Variants in OPCML observed in about 807,000 individuals in gnomAD.
OPCML encodes the protein opioid binding protein/cell adhesion molecule like.
A neutral mutation model predicts 37.8 loss-of-function variants in OPCML; 13 were observed. That is an observed-to-expected ratio of 0.34 (90% CI 0.22 to 0.55). The LOEUF (loss-of-function observed/expected upper bound fraction) is 0.55. Among genes scored for constraint, OPCML ranks in the 20% least tolerant of loss-of-function variants. OPCML has a pLI of 0.91. For synonymous variants in OPCML, 176 were observed against 168.8 expected (o/e 1.04, Z -0.33); for missense variants, 341 against 435.6 (o/e 0.78, Z 1.93).
chr11:132,742,419 C>A (rs1945461489), intron 2 of OPCML, among the ~76,000 whole-genome samples: 1 of 152,150 alleles, frequency 6.6e-6, no homozygotes, highest in Non-Finnish European at 1.5e-5. Context: ...CTCAATCATG[C>A]AAGCACATAG....
intron 3 of OPCML, among the ~76,000 whole-genome samples, chr11:132,574,855 T>C (rs902210967): frequency 2.6e-5 from 4 of 152,038 alleles, no homozygotes; most frequent in East Asian, 3.9e-4. Context: ...AAGTGGAGAA[T>C]TGAAATCTCT....
intron 2 of OPCML, among the ~76,000 whole-genome samples, chr11:132,852,754 A>G (rs1158811303): frequency 6.6e-6 from 1 of 152,198 alleles, no homozygotes; most frequent in Admixed American, 6.5e-5. Flanking sequence ...AAAATATTCC[A>G]TACAACCAAA....
intron 1 of OPCML, among the ~76,000 whole-genome samples, chr11:132,997,112 C>T (rs1450531243): frequency 1.3e-5 from 2 of 152,190 alleles, no homozygotes; most frequent in Non-Finnish European, 2.9e-5. Context: ...CTGTCTGTCA[C>T]AGTTAGTCTT....
intron 2 of OPCML, among the ~76,000 whole-genome samples, chr11:132,723,429 C>T (rs1307119892): frequency 2.6e-5 from 4 of 152,152 alleles, no homozygotes; most frequent in Admixed American, 2.0e-4. Flanking sequence ...GTCGGTTAAT[C>T]ACTCCTTCTG....
chr11:133,152,160 G>A (rs1164747057), intron 1 of OPCML, among the ~76,000 whole-genome samples: 1 of 151,954 alleles, frequency 6.6e-6, no homozygotes, highest in East Asian at 1.9e-4. Flanking sequence ...AATCCAAACC[G>A]CTGAACAAAA....
chr11:133,232,562 T>G (rs1940325940), intron 1 of OPCML, among the ~76,000 whole-genome samples: 1 of 151,514 alleles, frequency 6.6e-6, no homozygotes, highest in South Asian at 2.1e-4. Flanking sequence ...GTGAATCTCA[T>G]GTGAAATTAA....
intron 3 of OPCML, among the ~76,000 whole-genome samples, chr11:132,544,760 A>AAGGAG (rs902372911): frequency 1.1e-4 from 16 of 152,156 alleles, no homozygotes; most frequent in African/African-American, 3.9e-4. Context: ...AGGGTCAGTG[A>AAGGAG]AGGAGGACAA....
At chr11:133,105,776 T>C (rs1458047574) in intron 1 of OPCML, among the ~76,000 whole-genome samples, 2 of 151,928 alleles carry the variant, frequency 1.3e-5, no homozygotes, top group African/African-American at 4.8e-5. Flanking sequence ...AGTTCAGGAG[T>C]TTGAGAAAAG....
chr11:132,440,837 A>T (rs1467584679), intron 4 of OPCML, among the ~76,000 whole-genome samples: 2 of 152,156 alleles, frequency 1.3e-5, no homozygotes, highest in Non-Finnish European at 2.9e-5. Flanking sequence ...AGCAGAATGA[A>T]TCTAGGTTGC....
chr11:132,635,622 TGACA>T (rs773919187), intron 3 of OPCML, among the ~76,000 whole-genome samples: 6 of 151,688 alleles, frequency 4.0e-5, no homozygotes, highest in Non-Finnish European at 7.4e-5. Flanking sequence ...AAACTCTAGC[TGACA>T]GACATACTTA....
intron 1 of OPCML, among the ~76,000 whole-genome samples, chr11:133,188,223 TG>T (rs1938168699): frequency 6.6e-6 from 1 of 152,250 alleles, no homozygotes; most frequent in Non-Finnish European, 1.5e-5. Flanking sequence ...ATTGAGTTCC[TG>T]AGTGCTGTCA....
intron 1 of OPCML, among the ~76,000 whole-genome samples, chr11:133,231,088 G>A (rs1940255685): frequency 6.6e-6 from 1 of 152,190 alleles, no homozygotes; most frequent in Non-Finnish European, 1.5e-5. Flanking sequence ...GAAGGAGGCA[G>A]AATGAGAAGC....
intron 1 of OPCML, among the ~76,000 whole-genome samples, chr11:133,369,943 A>G (rs528708997): frequency 6.3e-4 from 96 of 152,254 alleles, no homozygotes; most frequent in African/African-American, 2.2e-3. Context: ...AACTTGGGGG[A>G]TGGAATTGAA....
chr11:132,536,934 T>C (rs1256651214), intron 3 of OPCML, among the ~76,000 whole-genome samples: 3 of 152,218 alleles, frequency 2.0e-5, no homozygotes, highest in Non-Finnish European at 4.4e-5. Context: ...TGTGCTCATA[T>C]GTTTGTGTGT....
At chr11:132,523,585 T>C (rs898108533) in intron 4 of OPCML, among the ~76,000 whole-genome samples, 4 of 152,140 alleles carry the variant, frequency 2.6e-5, no homozygotes, top group Non-Finnish European at 5.9e-5. Flanking sequence ...ACAAGTCTGA[T>C]TGAATGGAAG....
intron 2 of OPCML, among the ~76,000 whole-genome samples, chr11:132,703,530 G>A (rs962061466): frequency 6.6e-6 from 1 of 152,156 alleles, no homozygotes; most frequent in Non-Finnish European, 1.5e-5. Context: ...TCTTTGCCAG[G>A]GAAGTCATTT....
At chr11:132,452,601 C>CTGCCTTCCTACTTTCCTTCCTTCT (rs1488984348) in intron 4 of OPCML, among the ~76,000 whole-genome samples, 2 of 151,714 alleles carry the variant, frequency 1.3e-5, no homozygotes, top group Non-Finnish European at 2.9e-5. Context: ...TCCTTCCTGC[C>CTGCCTTCCTACTTTCCTTCCTTCT]TGCCTTCCTA....
chr11:132,919,908 G>A (rs1308263938), intron 2 of OPCML, among the ~76,000 whole-genome samples: 1 of 152,196 alleles, frequency 6.6e-6, no homozygotes. Context: ...TGCGTATTGT[G>A]CGAGTCCACA....
intron 1 of OPCML, among the ~76,000 whole-genome samples, chr11:132,952,325 A>G (rs1193438182): frequency 2.0e-5 from 3 of 152,180 alleles, no homozygotes; most frequent in African/African-American, 7.2e-5. Context: ...GAAAGTCACC[A>G]GAAAGGGAAT....
Sources: allele counts gnomAD v4.1 joint callset (sites outside exome capture counted in the v4.1 genomes callset), GRCh38; gene constraint gnomAD v4.1.1; transcripts MANE v1.5; gene names NCBI Gene and HGNC (gene_info 2026-07-23, HGNC 2026-07-21).